TGS1: variants seen among roughly 807,000 people sequenced by gnomAD.
The protein encoded by TGS1 is trimethylguanosine synthase.
Under a neutral mutation model 92.2 loss-of-function variants are expected in TGS1, and 69 were observed. The observed-to-expected ratio is 0.75, with a 90% CI of 0.62 to 0.91. TGS1 has a LOEUF of 0.91. Among genes scored for constraint, TGS1 ranks in the 40% least tolerant of loss-of-function variants. The pLI, the probability that TGS1 is intolerant of heterozygous loss-of-function variation, is 0.00. For synonymous variants in TGS1, 345 were observed against 338.1 expected (o/e 1.02, Z -0.22); for missense variants, 1,062 against 1,001.2 (o/e 1.06, Z -0.82).
At chr8:55,820,970 T>C (rs1460559964) in intron 12 of TGS1, among the ~76,000 whole-genome samples, 1 of 152,234 alleles carries the variant, frequency 6.6e-6, no homozygotes, top group East Asian at 1.9e-4. Flanking sequence ...ATTAATGGCA[T>C]TCATTAAATT....
chr8:55,820,532 G>A (rs894067826), intron 12 of TGS1, among the ~76,000 whole-genome samples: 2 of 151,962 alleles, frequency 1.3e-5, no homozygotes, highest in Non-Finnish European at 1.5e-5. Context: ...AGCCAGACTC[G>A]TCTCAAAAAA....
chr8:55,812,495 CA>C (rs59611291), intron 11 of TGS1, among the ~76,000 whole-genome samples: 10,321 of 98,210 alleles, frequency 0.11, 327 homozygotes, highest in South Asian at 0.14. Context: ...GACTCTGTCT[CA>C]AAAAAAAAAA....
intron 12 of TGS1, among the ~76,000 whole-genome samples, chr8:55,823,103 TG>T (rs1447434140): frequency 6.6e-6 from 1 of 152,248 alleles, no homozygotes; most frequent in Non-Finnish European, 1.5e-5. Flanking sequence ...TCTCTTCTCT[TG>T]ATCTTTCCTC....
At chr8:55,798,474 G>A (rs943249085) in intron 7 of TGS1, among the ~76,000 whole-genome samples, 1 of 152,110 alleles carries the variant, frequency 6.6e-6, no homozygotes, top group African/African-American at 2.4e-5. Flanking sequence ...GTTCGTCTTT[G>A]ATGCTAAGTA....
intron 6 of TGS1, among the ~76,000 whole-genome samples, chr8:55,793,780 T>TTTC: frequency 2.7e-5 from 4 of 150,774 alleles, no homozygotes; most frequent in Admixed American, 2.0e-4. Flanking sequence ...ATTTATTTTT[T>TTTC]AATTTTTTAT....
intron 8 of TGS1, among the ~76,000 whole-genome samples, chr8:55,800,135 T>C (rs766778587): frequency 1.3e-5 from 2 of 152,194 alleles, no homozygotes; most frequent in Non-Finnish European, 2.9e-5. Context: ...AAATAACTTA[T>C]TTGAGTCTTG....
chr8:55,811,024 A>AAAG lies in TGS1; in HGVS notation c.2287_2288insAAG (p.Ser763delinsLysGly). Reference sequence around the variant, plus strand: ...TTTAAAGGCTGATGTTGTGTTCCTCAGCCCACCTTGGGGAGGGCCAGACTA... The same window carrying AAAG: ...TTTAAAGGCTGATGTTGTGTTCCTCAAAGGCCCACCTTGGGGAGGGCCAGACTA... On this transcript the variant is annotated protein_altering_variant, in exon 11 of 13. Coordinates refer to ENST00000260129, the MANE Select transcript of TGS1 (RefSeq NM_024831.8). The AAAG allele has an allele frequency of 6.2e-7, 1 of 1,614,212 alleles. No homozygotes were observed. Among genetic ancestry groups the AAAG allele is most frequent in the Non-Finnish European group, 8.5e-7 (1 of 1,180,044 alleles).
rs745495072 is a variant in TGS1 at position 55,798,866 on chromosome 8, T to C, written c.1543-48T>C. The C allele has an allele frequency of 9.8e-6, 14 of 1,424,650 alleles. No individual in the cohort carries two copies. In the East Asian group the frequency reaches 3.0e-4, roughly 30 times the overall value. The allele number at this position is 1,424,650 out of a possible 1,614,324, so 88.3% of individuals were successfully genotyped here. A position where few individuals can be genotyped will look rare whatever the true frequency, so the allele number is the denominator to read the frequency against. ...AATTGTAATAGGTAGGAAGATTCTG[T>C]GTAGTTTGGAATTAATTCCTGCTCA... On this transcript the variant is annotated intron_variant, in intron 7 of 12. Coordinates refer to ENST00000260129, the MANE Select transcript of TGS1 (RefSeq NM_024831.8).
rs996537777 is a variant in TGS1 at position 55,779,332 on chromosome 8, A to T, written c.102-3416A>T. Among the ~76,000 whole-genome samples, 7 of 152,220 alleles carry T rather than the reference A, an allele frequency of 4.6e-5. No individual in the cohort carries two copies. The South Asian group carries it at 1.4e-3, about 31-fold the overall frequency. On this transcript the variant is annotated intron_variant, in intron 1 of 12. Transcript: ENST00000260129. ...AACAGCTGGTAATCTCTTGTTGCTGATCTTTCTGCCTCAAATTATCAGCAG... is the reference window on the plus strand; with the variant it reads ...AACAGCTGGTAATCTCTTGTTGCTGTTCTTTCTGCCTCAAATTATCAGCAG...
chr8:55,815,077 C>G (rs1356079252), intron 12 of TGS1, among the ~76,000 whole-genome samples: 3 of 152,098 alleles, frequency 2.0e-5, no homozygotes, highest in African/African-American at 7.2e-5. Flanking sequence ...ATGTAGACAG[C>G]CTCATTTGAG....
intron 8 of TGS1, among the ~76,000 whole-genome samples, chr8:55,800,451 C>T: frequency 6.6e-6 from 1 of 152,172 alleles, no homozygotes; most frequent in East Asian, 1.9e-4. Context: ...GGACTCATTA[C>T]CAGCTTCTCC....
rs142667771 is a variant in TGS1 at position 55,786,979 on chromosome 8, G to A, written c.1081G>A (p.Gly361Ser). The change falls in exon 4 of 13, where the codon GGC (glycine) becomes AGC (serine). Residue 361 changes from glycine to serine, a missense_variant. By Grantham distance (56) the Gly-to-Ser change is moderately conservative. Transcript: ENST00000260129. ...TAGCAAAAGAGAGTGCCCTGCTTCC[G>A]GCCAAAGTGAACCACGTAATGGAGG... is the stretch of plus-strand genomic sequence containing the variant. ...VSSKRECPASGQSEPRNGGTN... is the reference protein window; with the variant it reads ...VSSKRECPASSQSEPRNGGTN... 139 of 1,613,930 alleles carry A rather than the reference G, an allele frequency of 8.6e-5. No homozygotes were observed. The Middle Eastern group carries it at 9.9e-4, about 11-fold the overall frequency.
At chr8:55,776,748 C>T (rs1318972463) in intron 1 of TGS1, among the ~76,000 whole-genome samples, 1 of 152,126 alleles carries the variant, frequency 6.6e-6, no homozygotes, top group Admixed American at 6.5e-5. Flanking sequence ...GGGGTGGTCT[C>T]CTCCCTTAGA....
chr8:55,785,475 GGACT>G (rs1390378715), intron 2 of TGS1, among the ~76,000 whole-genome samples: 1 of 152,106 alleles, frequency 6.6e-6, no homozygotes. Flanking sequence ...TGAGGCAAGA[GGACT>G]GACTGAGCCC....
intron 12 of TGS1, among the ~76,000 whole-genome samples, chr8:55,814,672 A>ATAT (rs1203670071): frequency 1.9e-3 from 238 of 126,808 alleles, no homozygotes; most frequent in African/African-American, 6.0e-3. Flanking sequence ...AAAAAAAAAA[A>ATAT]AAATATATAT....
At chr8:55,811,871 G>T (rs752477276) in intron 11 of TGS1, among the ~76,000 whole-genome samples, 23 of 152,142 alleles carry the variant, frequency 1.5e-4, no homozygotes, top group Non-Finnish European at 2.4e-4. Flanking sequence ...ATTATGTGGG[G>T]ATCGATCTCC....
At chr8:55,791,766 T>C (rs28396163) in intron 5 of TGS1, among the ~76,000 whole-genome samples, 20,019 of 152,186 alleles carry the variant, frequency 0.13, 1,408 homozygotes, top group African/African-American at 0.18. Flanking sequence ...CAAATAAAAG[T>C]TCTTTTTTTT....
chr8:55,792,799 A>T lies in TGS1; in HGVS notation c.1367+15A>T. On this transcript the variant is annotated intron_variant, in intron 6 of 12. Transcript: ENST00000260129. ...TCAGGACAAAAGTAATTATTCATAAAAGCTATTGTTTTCCAGAAGTCCTAA... is the reference window on the plus strand; with the variant it reads ...TCAGGACAAAAGTAATTATTCATAATAGCTATTGTTTTCCAGAAGTCCTAA... 1 of 1,584,972 alleles carries T rather than the reference A, an allele frequency of 6.3e-7. No homozygotes were observed. The highest frequency in any genetic ancestry group is 8.7e-7 in the Non-Finnish European group (1 of 1,153,710).
Position 55,785,775 on chromosome 8 carries a change from C to T in TGS1, c.223C>T (p.His75Tyr). 1 of 1,613,664 alleles carries T rather than the reference C, an allele frequency of 6.2e-7. No individual in the cohort carries two copies. Among genetic ancestry groups the T allele is most frequent in the Non-Finnish European group, 8.5e-7 (1 of 1,179,790 alleles). Residue 75 changes from histidine to tyrosine, a missense_variant, in exon 3 of 13, where the codon CAT (histidine) becomes TAT (tyrosine). Coordinates refer to ENST00000260129, the MANE Select transcript of TGS1 (RefSeq NM_024831.8). ...TTATTCCTGTGGTACTGCAGAATCA[C>T]ATGACAGCAAAGGCATAGGCCTGGA... Reference protein sequence around the residue: ...GGYSCGTAESHDSKGIGLDES... With the variant: ...GGYSCGTAESYDSKGIGLDES...
Sources: allele counts gnomAD v4.1 joint callset (sites outside exome capture counted in the v4.1 genomes callset), GRCh38; gene constraint gnomAD v4.1.1; transcripts MANE v1.5; gene names NCBI Gene and HGNC (gene_info 2026-07-23, HGNC 2026-07-21).